ZNF423: variants seen among roughly 807,000 people sequenced by gnomAD.
ZNF423 encodes the protein zinc finger protein 423, also known as Ebf-associated zinc finger protein.
ZNF423 carries 12 observed loss-of-function variants against 95.8 expected under a neutral mutation model. That is an observed-to-expected ratio of 0.13 (90% CI 0.08 to 0.20). The LOEUF is 0.20. Ranked by LOEUF, ZNF423 falls within the 10% of genes least tolerant of loss-of-function variation. The pLI is 1.00. For synonymous variants in ZNF423, 749 were observed against 711.9 expected (o/e 1.05, Z -0.83); for missense variants, 1,316 against 1,737.1 (o/e 0.76, Z 4.31).
At chr16:49,494,597 G>A (rs991628849) in intron 7 of ZNF423, among the ~76,000 whole-genome samples, 8 of 152,336 alleles carry the variant, frequency 5.3e-5, no homozygotes, top group East Asian at 3.9e-4. Context: ...AAGGTCACCC[G>A]ATCAGTTTGT....
intron 3 of ZNF423, among the ~76,000 whole-genome samples, chr16:49,657,189 C>T (rs1351519685): frequency 6.6e-6 from 1 of 152,220 alleles, no homozygotes; most frequent in Admixed American, 6.5e-5. Flanking sequence ...CACAGACAAG[C>T]GGCACACACT....
intron 5 of ZNF423, among the ~76,000 whole-genome samples, chr16:49,534,357 G>A (rs1039105562): frequency 3.9e-5 from 6 of 151,912 alleles, no homozygotes; most frequent in South Asian, 2.1e-4. Flanking sequence ...GGGCTCAAGC[G>A]ATTCCCCTGC....
At chr16:49,630,538 G>A (rs1391043291) in intron 4 of ZNF423, among the ~76,000 whole-genome samples, 5 of 152,042 alleles carry the variant, frequency 3.3e-5, no homozygotes, top group Non-Finnish European at 7.4e-5. Context: ...TGGGAGGATG[G>A]GGTTGGTACC....
chr16:49,673,418 A>G (rs565305917), intron 3 of ZNF423, among the ~76,000 whole-genome samples: 72 of 152,338 alleles, frequency 4.7e-4, no homozygotes, highest in Non-Finnish European at 9.0e-4. Flanking sequence ...AGACACTCCC[A>G]CCAGCGTGAG....
intron 1 of ZNF423, among the ~76,000 whole-genome samples, chr16:49,802,567 C>G (rs1002040661): frequency 6.6e-6 from 1 of 152,210 alleles, no homozygotes; most frequent in African/African-American, 2.4e-5. Context: ...CACCATGGGA[C>G]AAAGGCACAG....
chr16:49,730,575 C>G lies in ZNF423; in HGVS notation c.301+196G>C, dbSNP rs1382495605. ...CAGAGCACCACCATCTAATTCCTGCCTGCCGGAAAGCTGTTGCTTTTATTT... is the reference window on the plus strand; with the variant it reads ...CAGAGCACCACCATCTAATTCCTGCGTGCCGGAAAGCTGTTGCTTTTATTT... On this transcript the variant is annotated intron_variant, in intron 3 of 7. Transcript: ENST00000563137. The G allele has an allele frequency of 1.4e-5, 9 of 637,460 alleles. No homozygotes were observed. In the Admixed American group the frequency reaches 2.3e-4, roughly 16 times the overall value. The allele number at this position is 637,460 out of a possible 1,614,324, so 39.5% of individuals were successfully genotyped here. A position where few individuals can be genotyped will look rare whatever the true frequency, so the allele number is the denominator to read the frequency against.
At chr16:49,688,908 C>T (rs2151944373) in intron 3 of ZNF423, among the ~76,000 whole-genome samples, 1 of 152,274 alleles carries the variant, frequency 6.6e-6, no homozygotes, top group South Asian at 2.1e-4. Context: ...TCCACGGAAG[C>T]TCCTGGGCCA....
chr16:49,639,577 T>C (rs1414165838), intron 3 of ZNF423, among the ~76,000 whole-genome samples: 7 of 152,152 alleles, frequency 4.6e-5, no homozygotes, highest in Non-Finnish European at 8.8e-5. Context: ...CAGGCCATCC[T>C]GAGACCCTTG....
At chr16:49,571,698 C>T (rs1473634115) in intron 5 of ZNF423, among the ~76,000 whole-genome samples, 2 of 151,982 alleles carry the variant, frequency 1.3e-5, no homozygotes, top group Non-Finnish European at 2.9e-5. Context: ...TGGTTGGGAG[C>T]GTAGAATAGA....
intron 2 of ZNF423, among the ~76,000 whole-genome samples, chr16:49,743,742 C>A (rs1019582301): frequency 6.6e-6 from 1 of 151,990 alleles, no homozygotes; most frequent in African/African-American, 2.4e-5. Context: ...CTCCTACCAA[C>A]GAGCCTCCAG....
In ZNF423 at chr16:49,705,749, T is replaced by C. The variant is rs141241885; in HGVS notation, c.301+25022A>G. 4.8e-3 allele frequency among the ~76,000 whole-genome samples: 724 copies of C among 152,012 alleles called. 8 individuals carry two copies. The highest frequency in any genetic ancestry group is 0.017 in the African/African-American group (690 of 41,252). ...TTTTAGTAGAGATGGGGTTTCGCCA[T>C]GTTGGCTGGGCTGGTCTTGAACTCC... On this transcript the variant is annotated intron_variant, in intron 3 of 7. Coordinates refer to ENST00000563137, the MANE Select transcript of ZNF423 (RefSeq NM_001379286.1).
At chr16:49,787,048 T>C (rs1317181620) in intron 2 of ZNF423, among the ~76,000 whole-genome samples, 1 of 152,150 alleles carries the variant, frequency 6.6e-6, no homozygotes, top group African/African-American at 2.4e-5. Context: ...GCTGTCACGA[T>C]GGCTCAGCGA....
At chr16:49,527,111 A>C (rs1480093929) in intron 5 of ZNF423, among the ~76,000 whole-genome samples, 4 of 152,174 alleles carry the variant, frequency 2.6e-5, no homozygotes, top group South Asian at 2.1e-4. Flanking sequence ...CAGAGACAGC[A>C]GGCATTCCCC....
At chr16:49,748,699 G>A (rs936285862) in intron 2 of ZNF423, among the ~76,000 whole-genome samples, 8 of 152,304 alleles carry the variant, frequency 5.3e-5, no homozygotes, top group African/African-American at 1.9e-4. Context: ...TTCCAGCGAA[G>A]CCCCTTTTCC....
In ZNF423 at chr16:49,636,768, T is replaced by TCCA; in HGVS notation, c.2405_2407dup (p.Val802dup). The stretch of plus-strand genomic sequence containing the variant: ...GTGTGTGGTGATGTGGCACTGCAGC[T>TCCA]CCACCTCGGTGCTGAAGGTCTCCCC... On this transcript the variant is annotated inframe_insertion, in exon 4 of 8. Transcript: ENST00000563137. This position sits in a 1 kb window ranked among gnomAD's most constrained non-coding sequence, Gnocchi z 8.6. The TCCA allele has an allele frequency of 1.2e-6, 2 of 1,614,038 alleles. No individual in the cohort carries two copies. Among genetic ancestry groups the TCCA allele is most frequent in the Non-Finnish European group, 1.7e-6 (2 of 1,179,974 alleles).
intron 3 of ZNF423, among the ~76,000 whole-genome samples, chr16:49,721,551 C>T (rs1209849744): frequency 6.6e-6 from 1 of 152,106 alleles, no homozygotes; most frequent in Non-Finnish European, 1.5e-5. Context: ...GTAACAGAAA[C>T]CGGGGACAGC....
intron 2 of ZNF423, among the ~76,000 whole-genome samples, chr16:49,786,583 G>T (rs964630530): frequency 6.6e-6 from 1 of 152,178 alleles, no homozygotes; most frequent in Non-Finnish European, 1.5e-5. Context: ...GGCCTGTCTT[G>T]CCAGGGACCT....
intron 2 of ZNF423, among the ~76,000 whole-genome samples, chr16:49,788,181 G>C (rs2143816636): frequency 6.6e-6 from 1 of 152,268 alleles, no homozygotes; most frequent in East Asian, 1.9e-4. Flanking sequence ...TGTCACCAAG[G>C]GCCAGGGCAC....
chr16:49,677,156 T>C (rs1365226183), intron 3 of ZNF423, among the ~76,000 whole-genome samples: 3 of 147,914 alleles, frequency 2.0e-5, no homozygotes, highest in African/African-American at 7.5e-5. Context: ...AGGCGAAGGC[T>C]GCAGTGAGTC....
Sources: gnomAD v4.1 joint callset for allele counts (sites outside exome capture counted in the v4.1 genomes callset) on GRCh38, gnomAD v4.1.1 for gene constraint, Gnocchi (gnomAD v3.1) non-coding constraint, MANE v1.5 for transcripts, NCBI Gene and HGNC (gene_info 2026-07-23, HGNC 2026-07-21) for gene names.